The following KIF13A variants were observed in gnomAD, a reference collection of about 807,000 sequenced individuals.
KIF13A encodes kinesin-like protein KIF13A.
In KIF13A, 79 loss-of-function variants were observed where a neutral mutation model predicts 212.2. That is an observed-to-expected ratio of 0.37 (90% CI 0.31 to 0.45). KIF13A has a LOEUF of 0.45. KIF13A is among the 20% of genes least tolerant of loss of function. The pLI is 1.00. For missense variants in KIF13A, 1,901 were observed against 2,209.0 expected (o/e 0.86, Z 2.79); for synonymous variants, 789 against 808.6 (o/e 0.98, Z 0.41).
Position 17,794,559 on chromosome 6 carries a change from A to G in KIF13A, c.3075+13T>C. 1 of 1,587,804 alleles carries G rather than the reference A, an allele frequency of 6.3e-7. No homozygotes were observed. The highest frequency in any genetic ancestry group is 2.2e-5 in the East Asian group (1 of 44,786). On this transcript the variant is annotated intron_variant, in intron 24 of 38. Transcript: ENST00000259711. This position sits in a 1 kb window ranked among gnomAD's most constrained non-coding sequence, Gnocchi z 4.1. ...AGAAAACATTAAAAAAAAACCCAAA[A>G]CAAACTCAGTACCTGTCTAAGTTGA...
intron 4 of KIF13A, among the ~76,000 whole-genome samples, chr6:17,863,538 A>G (rs1769054537): frequency 6.6e-6 from 1 of 151,960 alleles, no homozygotes; most frequent in Non-Finnish European, 1.5e-5. Context: ...TACTTAACCA[A>G]TTCTTCGGTT....
At position 17,914,635 on chromosome 6, in the gene KIF13A, G is replaced by A. The variant is rs376410498; in HGVS notation, c.147-16455C>T. Among the ~76,000 whole-genome samples the A allele has an allele frequency of 5.3e-5, 8 of 152,114 alleles. No individual in the cohort carries two copies. The highest frequency in any genetic ancestry group is 1.4e-4 in the African/African-American group (6 of 41,510). ...ACAACACAGAGACGACTCTAGTCACGGGTCACAGGCATCAGGTAAAGTGTG... is the reference window on the plus strand; with the variant it reads ...ACAACACAGAGACGACTCTAGTCACAGGTCACAGGCATCAGGTAAAGTGTG... On this transcript the variant is annotated intron_variant, in intron 2 of 38. Transcript: ENST00000259711. The surrounding 1 kb of genome is among the most constrained non-coding windows in gnomAD (Gnocchi z 5.9).
rs1774849052 is a variant in KIF13A, at chr6:17,919,470, A to C, written c.147-21290T>G. Among the ~76,000 whole-genome samples the C allele has an allele frequency of 6.6e-6, 1 of 152,226 alleles. No homozygotes were observed. The highest frequency in any genetic ancestry group is 2.1e-4 in the South Asian group (1 of 4,836). ...TTTCCAAAGGGCTCATCTAAGTTTC[A>C]CATGGTGCTGAGAATAGTAATCACT... is the stretch of plus-strand genomic sequence containing the variant. On this transcript the variant is annotated intron_variant, in intron 2 of 38. Coordinates refer to ENST00000259711, the MANE Select transcript of KIF13A (RefSeq NM_022113.6). This position sits in a 1 kb window ranked among gnomAD's most constrained non-coding sequence, Gnocchi z 4.1.
At chr6:17,760,593 C>T, downstream of KIF13A, 1 of 567,398 alleles carries the variant, frequency 1.8e-6, no homozygotes, top group South Asian at 2.2e-5. Context: ...AAAATACTGT[C>T]ACTTAGTTAA....
intron 3 of KIF13A, among the ~76,000 whole-genome samples, chr6:17,893,662 T>C (rs191387020): frequency 1.3e-5 from 2 of 152,248 alleles, no homozygotes; most frequent in Admixed American, 1.3e-4. Flanking sequence ...TTATTCCCCA[T>C]TTTAGGCAGA....
intron 2 of KIF13A, among the ~76,000 whole-genome samples, chr6:17,932,457 A>G (rs540537989): frequency 6.6e-6 from 1 of 152,348 alleles, no homozygotes; most frequent in Non-Finnish European, 1.5e-5. Context: ...GAAATTCTGC[A>G]TAGTTGCATA....
In KIF13A at chr6:17,828,573, C is replaced by CA. The variant is rs577191735; in HGVS notation, c.1402-204dup. 6.6e-5 allele frequency among the ~76,000 whole-genome samples: 10 copies of CA among 151,654 alleles called. No homozygotes were observed. The highest frequency in any genetic ancestry group is 3.9e-4 in the East Asian group (2 of 5,176). ...TTAAAAAAAAATGTTTAAACACTAC[C>CA]AAAAAAAATCCCCAATCAACAATGA... On this transcript the variant is annotated intron_variant, in intron 13 of 38. Transcript: ENST00000259711. This position sits in a 1 kb window ranked among gnomAD's most constrained non-coding sequence, Gnocchi z 4.3.
At chr6:17,970,401 G>C (rs928911562) in intron 2 of KIF13A, among the ~76,000 whole-genome samples, 10 of 152,102 alleles carry the variant, frequency 6.6e-5, no homozygotes, top group Admixed American at 4.6e-4. Flanking sequence ...CCAGGAGTTT[G>C]AGACTAGCCT....
At chr6:17,770,743 T>G (rs955074951) in intron 38 of KIF13A, 4 of 947,770 alleles carry the variant, frequency 4.2e-6, no homozygotes. Flanking sequence ...CATGATTACT[T>G]ACTCCAAGTA....
At chr6:17,869,133 C>T (rs1238249232) in intron 4 of KIF13A, among the ~76,000 whole-genome samples, 1 of 151,760 alleles carries the variant, frequency 6.6e-6, no homozygotes, top group African/African-American at 2.4e-5. Context: ...AGCTGTGTGG[C>T]CAACATAAAA....
chr6:17,889,886 G>GCT (rs1352517987), intron 3 of KIF13A, among the ~76,000 whole-genome samples: 6 of 152,078 alleles, frequency 3.9e-5, no homozygotes, highest in Admixed American at 2.6e-4. Context: ...AGGCATTGTG[G>GCT]CTCACTCTAG....
Position 17,789,753 on chromosome 6 carries a change from A to G in KIF13A, c.3261+119T>C. 6 of 719,092 alleles carry G rather than the reference A, an allele frequency of 8.3e-6. No homozygotes were observed. The highest frequency in any genetic ancestry group is 1.4e-5 in the Non-Finnish European group (6 of 427,716). The allele number at this position is 719,092 out of a possible 1,614,324, so 44.5% of individuals were successfully genotyped here. ...ATATAAAGCAAATCAAAAGCAAGTG[A>G]AAAACTGCATATTCTCGCTCTAGGG... On this transcript the variant is annotated intron_variant, in intron 26 of 38. Coordinates refer to ENST00000259711, the MANE Select transcript of KIF13A (RefSeq NM_022113.6). The surrounding 1 kb of genome is among the most constrained non-coding windows in gnomAD (Gnocchi z 4.8).
At chr6:17,908,327 T>C (rs1773710778) in intron 2 of KIF13A, among the ~76,000 whole-genome samples, 1 of 152,210 alleles carries the variant, frequency 6.6e-6, no homozygotes, top group Non-Finnish European at 1.5e-5. Flanking sequence ...AGGCTGGGCA[T>C]GGTGGCTCAT....
Position 17,764,607 on chromosome 6 carries a change from C to T in KIF13A, c.4921G>A (p.Val1641Met). 1 of 1,613,982 alleles carries T rather than the reference C, an allele frequency of 6.2e-7. No homozygotes were observed. The highest frequency in any genetic ancestry group is 8.5e-7 in the Non-Finnish European group (1 of 1,179,896). ...DSTEHSTPSL[V>M]HDFRPSSNKE... ...TTTGAGGACGGCCTGAAATCATGCA[C>T]AAGCGATGGTGTGGAGTGCTCGGTG... Residue 1641 changes from valine to methionine, a missense_variant, in exon 39 of 39, where the codon GTG becomes ATG. Coordinates refer to ENST00000259711, the MANE Select transcript of KIF13A (RefSeq NM_022113.6). The surrounding 1 kb of genome is among the most constrained non-coding windows in gnomAD (Gnocchi z 5.1).
chr6:17,973,740 G>C (rs1780024783), intron 2 of KIF13A, among the ~76,000 whole-genome samples: 1 of 152,294 alleles, frequency 6.6e-6, no homozygotes, highest in South Asian at 2.1e-4. Flanking sequence ...GGCAGAATCA[G>C]ATGGCACCCA....
rs1772928494 is a variant in KIF13A, at chr6:17,900,202, G to A, written c.147-2022C>T. Among the ~76,000 whole-genome samples, 1 of 152,178 alleles carries A rather than the reference G, an allele frequency of 6.6e-6. No homozygotes were observed. Among genetic ancestry groups the A allele is most frequent in the Non-Finnish European group, 1.5e-5 (1 of 68,038 alleles). On this transcript the variant is annotated intron_variant, in intron 2 of 38. Coordinates refer to ENST00000259711, the MANE Select transcript of KIF13A (RefSeq NM_022113.6). This position sits in a 1 kb window ranked among gnomAD's most constrained non-coding sequence, Gnocchi z 4.6. ...TGGGACAGACTAGGGGAATCCCAGT[G>A]AGCTCTCTGGAGTTCTCTTATGTGC...
chr6:17,857,124 T>A (rs114427211), intron 4 of KIF13A, among the ~76,000 whole-genome samples: 1,850 of 152,236 alleles, frequency 0.012, 39 homozygotes, highest in African/African-American at 0.042. Context: ...GAGCTTTTGG[T>A]TTTATGTTTT....
rs1771236417 is a variant in KIF13A, at chr6:17,883,203, C to T, written c.160-9766G>A. ...AGTCTCTACAAAAAATAACATTAGC[C>T]AGCTGCAGGGGCATGTGCCTATAGT... On this transcript the variant is annotated intron_variant, in intron 3 of 38. Transcript: ENST00000259711. The surrounding 1 kb of genome is among the most constrained non-coding windows in gnomAD (Gnocchi z 4.8). Among the ~76,000 whole-genome samples the T allele has an allele frequency of 1.3e-5, 2 of 152,012 alleles. No homozygotes were observed. Among genetic ancestry groups the T allele is most frequent in the South Asian group, 4.1e-4 (2 of 4,820 alleles).
intron 2 of KIF13A, among the ~76,000 whole-genome samples, chr6:17,944,032 G>C (rs1021107625): frequency 2.0e-5 from 3 of 152,122 alleles, no homozygotes; most frequent in African/African-American, 7.2e-5. Context: ...TTACACACTT[G>C]CTGAAGATTT....
Sources: allele counts gnomAD v4.1 joint callset (sites outside exome capture counted in the v4.1 genomes callset), GRCh38; gene constraint gnomAD v4.1.1; non-coding constraint Gnocchi (gnomAD v3.1); transcripts MANE v1.5; gene names NCBI Gene and HGNC (gene_info 2026-07-23, HGNC 2026-07-21).